The following DNHD1 variants were observed in gnomAD, a reference collection of about 807,000 sequenced individuals.
DNHD1 encodes the protein dynein heavy chain domain 1, also known as dynein heavy chain domain-containing protein 1.
A neutral mutation model predicts 458.1 loss-of-function variants in DNHD1; 383 were observed. The observed-to-expected ratio is 0.84, with a 90% CI of 0.77 to 0.91. The LOEUF is 0.91. DNHD1 is among the 40% of genes least tolerant of loss of function. The pLI, the probability that DNHD1 is intolerant of heterozygous loss-of-function variation, is 0.00. For synonymous variants in DNHD1, 2,203 were observed against 2,376.9 expected (o/e 0.93, Z 2.13); for missense variants, 5,336 against 5,866.1 (o/e 0.91, Z 2.95).
intron 7 of DNHD1, 143 bp from the exon 8 acceptor site, chr11:6,519,457 A>C (rs1410501271): frequency 2.3e-6 from 2 of 867,036 alleles, no homozygotes; most frequent in Non-Finnish European, 3.6e-6. Flanking sequence ...GGGGTAGGGT[A>C]AACTCTACTA....
At position 6,563,462 on chromosome 11, in the gene DNHD1, A is replaced by T; in HGVS notation, c.9750A>T (p.Pro3250=). Residue 3250 remains proline, a synonymous_variant, in exon 30 of 43, where the codon CCA becomes CCT. Coordinates refer to ENST00000254579, the MANE Select transcript of DNHD1 (RefSeq NM_144666.3). The stretch of plus-strand genomic sequence containing the variant: ...AGATACGGAGCTATCGAGCACCACC[A>T]GAATCTGTGGTCCGGGTAACTGATG... The part of the protein sequence containing the change: ...FEEIRSYRAP[P]ESVVRVTDAM... The T allele has an allele frequency of 6.4e-7, 1 of 1,551,702 alleles. No homozygotes were observed.
chr11:6,512,495 T>A (rs1051131983), intron 7 of DNHD1, among the ~76,000 whole-genome samples: 1 of 152,048 alleles, frequency 6.6e-6, no homozygotes, highest in Admixed American at 6.6e-5. Flanking sequence ...GTGCTGGGAT[T>A]ACAGGTGTGA....
rs370128344 is a variant in DNHD1 at position 6,570,734 on chromosome 11, C to T, written c.13222C>T (p.Arg4408Cys). The change falls in exon 42 of 43, where the codon CGC becomes TGC. Residue 4408 changes from arginine (R) to cysteine (C), a missense_variant. Transcript: ENST00000254579. ...SEGPQAWLLRRQSRALLSALQ... is the reference protein window; with the variant it reads ...SEGPQAWLLRCQSRALLSALQ... Reference sequence around the variant, plus strand: ...GGGCCCCCAAGCCTGGCTGTTGCGACGCCAGAGTCGCGCTCTCTTGAGTGC... The same window carrying T: ...GGGCCCCCAAGCCTGGCTGTTGCGATGCCAGAGTCGCGCTCTCTTGAGTGC... 7 of 1,610,782 alleles carry T rather than the reference C, an allele frequency of 4.3e-6. No individual in the cohort carries two copies. Among genetic ancestry groups the T allele is most frequent in the East Asian group, 4.5e-5 (2 of 44,718 alleles).
At position 6,564,608 on chromosome 11, in the gene DNHD1, G is replaced by A. The variant is rs11825255; in HGVS notation, c.10560G>A (p.Gln3520=). ...ILSLLSSESE[Q]YQWDGNLKPQ... ...CCTTGCTGAGCTCTGAATCGGAGCA[G>A]TACCAGTGGGATGGAAACCTGAAGC... Residue 3520 remains glutamine (Q), a synonymous_variant, in exon 32 of 43, where the codon CAG becomes CAA. Transcript: ENST00000254579. 0.072 allele frequency: 112,046 copies of A among 1,551,534 alleles called. 11,927 individuals carry two copies. The highest frequency in any genetic ancestry group is 0.5 in the African/African-American group (36,671 of 73,042).
In DNHD1 at chr11:6,520,035, C is replaced by T; in HGVS notation, c.1718C>T (p.Pro573Leu). The change falls in exon 9 of 43, where the codon CCC becomes CTC. Residue 573 changes from proline to leucine, a missense_variant. Physicochemically the swap from Pro to Leu is moderately conservative, Grantham distance 98 (BLOSUM62 -3). Coordinates refer to ENST00000254579, the MANE Select transcript of DNHD1 (RefSeq NM_144666.3). ...GATCATGGTCAACTGTCTCATGTGC[C>T]CTGTGTTGAAAATATGATCCAGACT... The part of the protein sequence containing the change: ...FDDHGQLSHV[P>L]CVENMIQTLT... 2 of 1,614,140 alleles carry T rather than the reference C, an allele frequency of 1.2e-6. No homozygotes were observed. The highest frequency in any genetic ancestry group is 1.7e-6 in the Non-Finnish European group (2 of 1,180,024).
intron 3 of DNHD1, 152 bp downstream of exon 3, chr11:6,499,113 C>G (rs1852089425): frequency 1.2e-6 from 1 of 857,452 alleles, no homozygotes; most frequent in South Asian, 2.3e-5. Flanking sequence ...AGGCTACTTT[C>G]CTCTTCCTTT....
Position 6,564,443 on chromosome 11 carries a change from G to A in DNHD1, c.10395G>A (p.Glu3465=), listed in dbSNP as rs1451888615. The A allele has an allele frequency of 5.2e-6, 8 of 1,551,754 alleles. No individual in the cohort carries two copies. Among genetic ancestry groups the A allele is most frequent in the Non-Finnish European group, 7.0e-6 (8 of 1,146,992 alleles). The change falls in exon 32 of 43, where the codon GAG becomes GAA. Residue 3465 remains glutamate (E), a synonymous_variant. Coordinates refer to ENST00000254579, the MANE Select transcript of DNHD1 (RefSeq NM_144666.3). ...TGCGGCGCCAAGAGCTACTGGACGA[G>A]TGGTTAGCTCTGTGTAGGGGCTTTC... is the stretch of plus-strand genomic sequence containing the variant. The part of the protein sequence containing the change: ...PPLRRQELLD[E]WLALCRGFQE...
intron 10 of DNHD1, 68 bp downstream of exon 10, chr11:6,520,357 A>G (rs370487564): frequency 1.3e-6 from 2 of 1,550,642 alleles, no homozygotes; most frequent in African/African-American, 1.4e-5. Flanking sequence ...TACTAATGGC[A>G]TGGGAAGAAG....
At chr11:6,537,625 T>C (rs1445871231) in intron 14 of DNHD1, among the ~76,000 whole-genome samples, 1 of 152,042 alleles carries the variant, frequency 6.6e-6, no homozygotes, top group African/African-American at 2.4e-5. Context: ...ATAGCCTGCA[T>C]AGGCCTCATT....
chr11:6,565,046 C>G (rs1401300513), intron 32 of DNHD1, among the ~76,000 whole-genome samples: 1 of 152,202 alleles, frequency 6.6e-6, no homozygotes, highest in African/African-American at 2.4e-5. Flanking sequence ...CTACTCAGCA[C>G]TACCCAAATT....
intron 10 of DNHD1, among the ~76,000 whole-genome samples, chr11:6,521,057 T>A (rs1221206868): frequency 6.6e-6 from 1 of 152,224 alleles, no homozygotes; most frequent in Non-Finnish European, 1.5e-5. Flanking sequence ...AAATTTAGGT[T>A]AATTGATAGA....
rs1354588524 is a variant in DNHD1 at position 6,571,897 on chromosome 11, A to G, written c.14173A>G (p.Ile4725Val). 6.2e-7 allele frequency: 1 copy of G among 1,614,040 alleles called. No homozygotes were observed. The highest frequency in any genetic ancestry group is 1.1e-5 in the South Asian group (1 of 91,092). ...LGTAKLQSRNIVMHLPLPTKL... is the reference protein window; with the variant it reads ...LGTAKLQSRNVVMHLPLPTKL... ...CACCGCTAAGCTGCAGAGCAGGAACATCGTGATGCATCTGCCTTTACCCAC... is the reference window on the plus strand; with the variant it reads ...CACCGCTAAGCTGCAGAGCAGGAACGTCGTGATGCATCTGCCTTTACCCAC... Residue 4725 changes from isoleucine (I) to valine (V), a missense_variant, in exon 43 of 43, where the codon ATC becomes GTC. Ile to Val is a conservative substitution (Grantham distance 29). Coordinates refer to ENST00000254579, the MANE Select transcript of DNHD1 (RefSeq NM_144666.3). The surrounding 1 kb of genome is among the most constrained non-coding windows in gnomAD (Gnocchi z 5.0).
Position 6,545,331 on chromosome 11 carries a change from G to A in DNHD1, c.4392G>A (p.Gln1464=), listed in dbSNP as rs2134428500. The change falls in exon 21 of 43, where the codon CAG becomes CAA. Residue 1464 remains glutamine (Q), a synonymous_variant. Transcript: ENST00000254579. This position sits in a 1 kb window ranked among gnomAD's most constrained non-coding sequence, Gnocchi z 4.9. Reference sequence around the variant, plus strand: ...GCTTGGCACTGGTGCACATGCTGCAGGGCTGTGTGGCTGCTCGCCTTGCTC... The same window carrying A: ...GCTTGGCACTGGTGCACATGCTGCAAGGCTGTGTGGCTGCTCGCCTTGCTC... ...CLRLALVHML[Q]GCVAARLARG... The A allele has an allele frequency of 3.2e-6, 5 of 1,551,772 alleles. No homozygotes were observed. In the East Asian group the frequency reaches 1.2e-4, roughly 38 times the overall value.
chr11:6,510,282 G>A (rs1474170159), intron 6 of DNHD1, among the ~76,000 whole-genome samples: 4 of 151,794 alleles, frequency 2.6e-5, no homozygotes, highest in Admixed American at 6.6e-5. Flanking sequence ...ATAAGGTTTC[G>A]CCATGTTGGC....
chr11:6,556,149 C>G (rs957733359), intron 24 of DNHD1, among the ~76,000 whole-genome samples: 1 of 151,968 alleles, frequency 6.6e-6, no homozygotes, highest in Admixed American at 6.6e-5. Context: ...TTTTATTTTT[C>G]ATTTTTTGTA....
At chr11:6,566,216 G>C in intron 33 of DNHD1, 25 bp from the exon 34 acceptor site, 1 of 1,548,798 alleles carries the variant, frequency 6.5e-7, no homozygotes, top group Non-Finnish European at 8.7e-7. Flanking sequence ...ATTGTGGGTA[G>C]GGTGCCTTTG....
intron 3 of DNHD1, 61 bp from the exon 4 acceptor site, chr11:6,502,692 T>A (rs1171547464): frequency 1.4e-6 from 2 of 1,461,634 alleles, no homozygotes. Context: ...TGGCAAGGCC[T>A]CCCTCTAAGG....
Position 6,529,114 on chromosome 11 carries a change from A to G in DNHD1, c.2340A>G (p.Ala780=), listed in dbSNP as rs951457942. Residue 780 remains alanine, a synonymous_variant, in exon 12 of 43, where the codon GCA becomes GCG. Transcript: ENST00000254579. ...TACTTAGCTGCCATGATGTACAGGC[A>G]GAGATGGGTGAGTACTGCTTCTCTT... The part of the protein sequence containing the change: ...LLLLSCHDVQ[A]EMESKLNSIR... 5.0e-5 allele frequency: 77 copies of G among 1,549,992 alleles called. No homozygotes were observed. Among genetic ancestry groups the G allele is most frequent in the Non-Finnish European group, 6.6e-5 (76 of 1,146,944 alleles).
chr11:6,534,032 G>A lies in DNHD1; in HGVS notation c.2857G>A (p.Ala953Thr), dbSNP rs753484328. Reference sequence around the variant, plus strand: ...ATTGGCAGAGCTGGAAGGCCTGCTTGCGAAGGCCCTCTCCGGTCCCTTTAT... The same window carrying A: ...ATTGGCAGAGCTGGAAGGCCTGCTTACGAAGGCCCTCTCCGGTCCCTTTAT... The part of the protein sequence containing the change: ...AALAELEGLL[A>T]KALSGPFMDP... Residue 953 changes from alanine (A) to threonine (T), a missense_variant, in exon 14 of 43, where the codon GCG becomes ACG. Physicochemically the swap from Ala to Thr is moderately conservative, Grantham distance 58. This residue lies in a region of DNHD1 where 3,932 missense variants were observed against 4,365.6 expected (regional missense o/e 0.90). Coordinates refer to ENST00000254579, the MANE Select transcript of DNHD1 (RefSeq NM_144666.3). 18 of 1,551,464 alleles carry A rather than the reference G, an allele frequency of 1.2e-5. No homozygotes were observed. The highest frequency in any genetic ancestry group is 1.6e-5 in the Non-Finnish European group (18 of 1,146,962).
Sources: gnomAD v4.1 joint callset for allele counts (sites outside exome capture counted in the v4.1 genomes callset) on GRCh38, gnomAD v4.1.1 for gene constraint, gnomAD v4.1.1 regional missense constraint, Gnocchi (gnomAD v3.1) non-coding constraint, MANE v1.5 for transcripts, NCBI Gene and HGNC (gene_info 2026-07-23, HGNC 2026-07-21) for gene names.